The following IDO2 variants were observed in gnomAD, a reference collection of about 807,000 sequenced individuals.
The protein encoded by IDO2 is indoleamine 2,3-dioxygenase 2.
IDO2 carries 46 observed loss-of-function variants against 45.1 expected under a neutral mutation model. The ratio of observed to expected loss-of-function variants is 1.02; its 90% CI spans 0.80 to 1.30. IDO2 has a LOEUF of 1.30. IDO2 is among the 50% of genes most tolerant of loss of function. IDO2 has a pLI of 0.00. For missense variants in IDO2, 544 were observed against 491.8 expected (o/e 1.11, Z -1.00); for synonymous variants, 218 against 184.9 (o/e 1.18, Z -1.45).
rs1419506021 is a variant in IDO2, at chr8:39,966,529, CAT to C, written c.195+2827_195+2828del. Among the ~76,000 whole-genome samples, 4 of 152,316 alleles carry C rather than the reference CAT, an allele frequency of 2.6e-5. No individual in the cohort carries two copies. In the East Asian group the frequency reaches 7.7e-4, roughly 29 times the overall value. Reference sequence around the variant, plus strand: ...ACCACAGATGGAGCTATAACAAAAACATGTGTTCTCTGGATCCTTTACTTGCT... The same window carrying C: ...ACCACAGATGGAGCTATAACAAAAACGTGTTCTCTGGATCCTTTACTTGCT... On this transcript the variant is annotated intron_variant, in intron 3 of 10. Transcript: ENST00000502986.
intron 2 of IDO2, among the ~76,000 whole-genome samples, chr8:39,954,649 CTTTTTTTTTT>C (rs542016899): frequency 1.3e-3 from 110 of 84,734 alleles, no homozygotes; most frequent in African/African-American, 4.6e-3. Flanking sequence ...GTCTCTCTCT[CTTTTTTTTTT>C]TTTTTTTTTT....
At chr8:39,938,118 T>G (rs974928017) in intron 1 of IDO2, among the ~76,000 whole-genome samples, 22 of 152,320 alleles carry the variant, frequency 1.4e-4, no homozygotes, top group African/African-American at 4.6e-4. Context: ...AAACAGATAT[T>G]AGAATATGTT....
At chr8:39,992,407 C>A (rs1478019808) in intron 8 of IDO2, among the ~76,000 whole-genome samples, 2 of 152,156 alleles carry the variant, frequency 1.3e-5, no homozygotes, top group African/African-American at 2.4e-5. Context: ...GTTCTAGGCT[C>A]CCATCCCAAC....
intron 1 of IDO2, among the ~76,000 whole-genome samples, chr8:39,943,839 A>G (rs960418864): frequency 2.0e-5 from 3 of 152,078 alleles, no homozygotes; most frequent in African/African-American, 7.2e-5. Context: ...CAAGCACGCC[A>G]ACTCTCACCA....
At chr8:39,995,630 T>C (rs1023349119) in intron 8 of IDO2, among the ~76,000 whole-genome samples, 3 of 152,138 alleles carry the variant, frequency 2.0e-5, no homozygotes, top group Non-Finnish European at 4.4e-5. Context: ...GGAAAATATA[T>C]AGAATAAGAA....
intron 1 of IDO2, 112 bp from the exon 2 acceptor site, chr8:39,949,037 A>G (rs966177870): frequency 5.0e-6 from 7 of 1,394,348 alleles, no homozygotes; most frequent in Non-Finnish European, 6.6e-6. Context: ...ACCTCAGGGA[A>G]AAGTTCTCTC....
intron 2 of IDO2, among the ~76,000 whole-genome samples, chr8:39,954,382 G>T (rs1585398704): frequency 6.6e-6 from 1 of 152,208 alleles, no homozygotes; most frequent in Admixed American, 6.5e-5. Context: ...CTTCAAGATT[G>T]TGAAGTCAGA....
exon 11 of IDO2, chr8:40,016,118 A>G: frequency 2.5e-6 from 1 of 393,816 alleles, no homozygotes; most frequent in Non-Finnish European, 4.5e-6. Context: ...TGGAGATGGG[A>G]AGATAGAGGA....
chr8:39,950,403 A>G (rs1807796408), intron 2 of IDO2, among the ~76,000 whole-genome samples: 1 of 152,142 alleles, frequency 6.6e-6, no homozygotes, highest in South Asian at 2.1e-4. Flanking sequence ...GTGGTGGCAC[A>G]TGCCTGTAGT....
chr8:40,002,392 C>A (rs1389567592), intron 8 of IDO2, among the ~76,000 whole-genome samples: 1 of 152,190 alleles, frequency 6.6e-6, no homozygotes, highest in Non-Finnish European at 1.5e-5. Flanking sequence ...CATTTTCAAG[C>A]AGAGCAAACC....
chr8:39,954,192 G>C (rs542658626), intron 2 of IDO2, among the ~76,000 whole-genome samples: 1 of 152,118 alleles, frequency 6.6e-6, no homozygotes, highest in Non-Finnish European at 1.5e-5. Context: ...TTATATTCTA[G>C]TCCTCATCTC....
At chr8:39,959,477 T>TC (rs577178462) in intron 2 of IDO2, among the ~76,000 whole-genome samples, 5 of 152,314 alleles carry the variant, frequency 3.3e-5, no homozygotes, top group African/African-American at 1.2e-4. Flanking sequence ...AAAATATAAC[T>TC]CATTATGTGT....
intron 1 of IDO2, among the ~76,000 whole-genome samples, chr8:39,941,021 G>A (rs1432073683): frequency 6.6e-6 from 1 of 151,142 alleles, no homozygotes; most frequent in African/African-American, 2.4e-5. Flanking sequence ...AGGAGTTCCA[G>A]ACCAGCCTGG....
At chr8:39,934,936 A>G (rs535573236) in exon 1 of IDO2, 6 of 616,020 alleles carry the variant, frequency 9.7e-6, no homozygotes, top group African/African-American at 9.3e-5. Context: ...GAGTCCATAC[A>G]CACTGGTTTG....
Position 39,963,731 on chromosome 8 carries a change from A to G in IDO2, c.195+28A>G, listed in dbSNP as rs532781660. On this transcript the variant is annotated intron_variant, in intron 3 of 10. Transcript: ENST00000502986. Reference sequence around the variant, plus strand: ...ATTCTTCTCTTCACCCCCTCATCACATTCTGTTTTCATCATCATACCACTT... The same window carrying G: ...ATTCTTCTCTTCACCCCCTCATCACGTTCTGTTTTCATCATCATACCACTT... The G allele has an allele frequency of 2.9e-5, 39 of 1,345,566 alleles. No homozygotes were observed. The South Asian group carries it at 4.2e-4, about 15-fold the overall frequency. The allele number at this position is 1,345,566 out of a possible 1,614,324, so 83.4% of individuals were successfully genotyped here.
chr8:39,996,106 G>C (rs1802043640), intron 8 of IDO2, among the ~76,000 whole-genome samples: 1 of 149,918 alleles, frequency 6.7e-6, no homozygotes, highest in East Asian at 2.0e-4. Context: ...AAAGGCGCTC[G>C]TTACTTAGCC....
chr8:39,936,292 C>T (rs1477763350), intron 1 of IDO2, among the ~76,000 whole-genome samples: 1 of 152,136 alleles, frequency 6.6e-6, no homozygotes, highest in Non-Finnish European at 1.5e-5. Context: ...AGAGCAAAAA[C>T]TATCCAAAAG....
At position 39,985,654 on chromosome 8, in the gene IDO2, A is replaced by G. The variant is rs116237869; in HGVS notation, c.449+132A>G. 1,085 of 752,904 alleles carry G rather than the reference A, an allele frequency of 1.4e-3. 5 individuals are homozygous for G. The African/African-American group carries it at 0.017, about 12-fold the overall frequency. 46.6% of individuals were successfully genotyped at this position (752,904 alleles called of 1,614,324 possible). A position where few individuals can be genotyped will look rare whatever the true frequency, so the allele number is the denominator to read the frequency against. On this transcript the variant is annotated intron_variant, in intron 6 of 10. Transcript: ENST00000502986. ...CAACCATATAAAATGCATAAAAAAT[A>G]TACTAGAAGGAAATGTGCCTAAAAT...
intron 1 of IDO2, among the ~76,000 whole-genome samples, chr8:39,946,815 C>T (rs185049305): frequency 1.5e-3 from 221 of 151,842 alleles, no homozygotes; most frequent in African/African-American, 5.1e-3. Flanking sequence ...GTACCCACTT[C>T]ATAAGTGAAA....
Sources: gnomAD v4.1 joint callset for allele counts (sites outside exome capture counted in the v4.1 genomes callset) on GRCh38, gnomAD v4.1.1 for gene constraint, MANE v1.5 for transcripts, NCBI Gene and HGNC (gene_info 2026-07-23, HGNC 2026-07-21) for gene names.